The following TP53BP1 variants were observed in gnomAD, a reference collection of about 807,000 sequenced individuals.
The protein encoded by TP53BP1 is TP53-binding protein 1.
TP53BP1 carries 61 observed loss-of-function variants against 200.8 expected under a neutral mutation model. The ratio of observed to expected loss-of-function variants is 0.30; its 90% confidence interval spans 0.25 to 0.38. The LOEUF (loss-of-function observed/expected upper bound fraction) is 0.38, where lower values mean the gene tolerates loss of function less well. Among genes scored for constraint, TP53BP1 ranks in the 10% least tolerant of loss-of-function variants. The pLI, the probability that TP53BP1 is intolerant of heterozygous loss-of-function variation, is 1.00. For missense variants in TP53BP1, 2,144 were observed against 2,371.9 expected (o/e 0.90, Z 2.00); for synonymous variants, 822 against 844.3 (o/e 0.97, Z 0.46).
At position 43,446,591 on chromosome 15, in the gene TP53BP1, C is replaced by A; in HGVS notation, c.2837-1G>T. ...GTGCTTTCTGGATAGTTGCTAATACCTGAAAGAAGTGAGGCAGGGAGGAAG... is the reference window on the plus strand; with the variant it reads ...GTGCTTTCTGGATAGTTGCTAATACATGAAAGAAGTGAGGCAGGGAGGAAG... On this transcript the variant is annotated splice_acceptor_variant, in intron 13 of 27. Coordinates refer to ENST00000382044, the MANE Select transcript of TP53BP1 (RefSeq NM_001141980.3). LOFTEE classifies it high-confidence loss of function. The A allele has an allele frequency of 6.2e-7, 1 of 1,611,118 alleles. No homozygotes were observed. The highest frequency in any genetic ancestry group is 1.1e-5 in the South Asian group (1 of 90,666).
intron 11 of TP53BP1, 39 bp from the exon 12 acceptor site, chr15:43,457,257 A>G (rs1461759022): frequency 6.7e-7 from 1 of 1,488,974 alleles, no homozygotes; most frequent in Non-Finnish European, 9.0e-7. Context: ...TAATTTGTAC[A>G]TGATCATATA....
chr15:43,417,235 T>TGAAAAAA (rs2045287193), intron 21 of TP53BP1: 1 of 151,678 alleles, frequency 6.6e-6, no homozygotes, highest in Admixed American at 6.6e-5. Context: ...AAGGCATTAC[T>TGAAAAAA]ATGAATATTT....
intron 12 of TP53BP1, among the ~76,000 whole-genome samples, chr15:43,448,542 ATT>A (rs971504418): frequency 2.8e-5 from 4 of 144,776 alleles, no homozygotes; most frequent in African/African-American, 5.0e-5. Flanking sequence ...AAACAAAAAA[ATT>A]TTTTTTTTTT....
At chr15:43,479,584 C>G (rs577303283) in intron 6 of TP53BP1, 58 bp from the exon 7 acceptor site, 3 of 1,543,252 alleles carry the variant, frequency 1.9e-6, no homozygotes, top group African/African-American at 2.8e-5. Context: ...ATACTAGATA[C>G]AGTCCCAGAT....
At position 43,421,349 on chromosome 15, in the gene TP53BP1, G is replaced by C. The variant is rs1377577443; in HGVS notation, c.4101-175C>G. Among the ~76,000 whole-genome samples, 4 of 152,152 alleles carry C rather than the reference G, an allele frequency of 2.6e-5. No homozygotes were observed. The East Asian group carries it at 7.7e-4, about 29-fold the overall frequency. ...ATCTCATGCAGGGAGTGGGGAGCGT[G>C]GGATAACAAGTAAAGGACATTCTCC... On this transcript the variant is annotated intron_variant, in intron 19 of 27. Coordinates refer to ENST00000382044, the MANE Select transcript of TP53BP1 (RefSeq NM_001141980.3).
intron 11 of TP53BP1, among the ~76,000 whole-genome samples, chr15:43,461,224 TTTTA>T (rs1292591465): frequency 7.7e-6 from 1 of 129,456 alleles, no homozygotes; most frequent in African/African-American, 4.4e-5. Context: ...AGGAATTTTA[TTTTA>T]TTTTTTTTTT....
chr15:43,486,773 G>A (rs1389941462), intron 4 of TP53BP1, among the ~76,000 whole-genome samples: 1 of 152,054 alleles, frequency 6.6e-6, no homozygotes, highest in East Asian at 1.9e-4. Context: ...ACAGATGTGT[G>A]CCACCATGCC....
At chr15:43,448,371 A>G (rs1401961835) in intron 12 of TP53BP1, among the ~76,000 whole-genome samples, 1 of 152,146 alleles carries the variant, frequency 6.6e-6, no homozygotes, top group African/African-American at 2.4e-5. Context: ...TAAAACTAAT[A>G]TATGAAAATT....
chr15:43,466,082 A>G (rs1259343782), intron 11 of TP53BP1, among the ~76,000 whole-genome samples: 3 of 152,236 alleles, frequency 2.0e-5, no homozygotes, highest in African/African-American at 7.2e-5. Flanking sequence ...CAAGTGTGAT[A>G]GCAGAATAAA....
chr15:43,407,926 C>A lies in TP53BP1; in HGVS notation c.5746+17G>T. 1 of 1,606,792 alleles carries A rather than the reference C, an allele frequency of 6.2e-7. No homozygotes were observed. The highest frequency in any genetic ancestry group is 8.5e-7 in the Non-Finnish European group (1 of 1,178,662). On this transcript the variant is annotated intron_variant, in intron 27 of 27. Transcript: ENST00000382044. Reference sequence around the variant, plus strand: ...AGATCCCTGGAACAAAGACACTACACACACTCTTTCAGGTACCTTTGTTAT... The same window carrying A: ...AGATCCCTGGAACAAAGACACTACAAACACTCTTTCAGGTACCTTTGTTAT...
intron 11 of TP53BP1, among the ~76,000 whole-genome samples, chr15:43,469,505 CA>C (rs917313370): frequency 5.3e-5 from 8 of 151,430 alleles, no homozygotes; most frequent in Non-Finnish European, 1.0e-4. Flanking sequence ...GTGTCATAGG[CA>C]AAAAAATTTA....
At chr15:43,430,836 T>G (rs1188797607) in intron 17 of TP53BP1, among the ~76,000 whole-genome samples, 1 of 152,340 alleles carries the variant, frequency 6.6e-6, no homozygotes, top group South Asian at 2.1e-4. Context: ...ATGGATAGAT[T>G]TGTTCTTACC....
chr15:43,474,363 C>T (rs1204957067), intron 10 of TP53BP1, among the ~76,000 whole-genome samples: 1 of 151,504 alleles, frequency 6.6e-6, no homozygotes, highest in Non-Finnish European at 1.5e-5. Context: ...CCTCAAGTGC[C>T]GCCAAAGTGG....
intron 19 of TP53BP1, 130 bp downstream of exon 19, chr15:43,421,724 GA>G (rs2045403821): frequency 1.6e-6 from 2 of 1,283,232 alleles, no homozygotes; most frequent in South Asian, 2.9e-5. Flanking sequence ...AGCAAATAGT[GA>G]AGAGGGGTAG....
At chr15:43,455,317 A>C (rs2046266865) in intron 12 of TP53BP1, among the ~76,000 whole-genome samples, 1 of 152,216 alleles carries the variant, frequency 6.6e-6, no homozygotes, top group Non-Finnish European at 1.5e-5. Flanking sequence ...CTAAGTAAAA[A>C]AAAAACAGAT....
intron 14 of TP53BP1, among the ~76,000 whole-genome samples, chr15:43,442,159 C>T (rs1247650899): frequency 1.4e-5 from 2 of 147,414 alleles, no homozygotes; most frequent in East Asian, 4.1e-4. Flanking sequence ...AATCTCGGCT[C>T]ACTGCAAGCT....
intron 23 of TP53BP1, among the ~76,000 whole-genome samples, 173 bp from the exon 24 acceptor site, chr15:43,413,507 C>T (rs1304355651): frequency 6.6e-6 from 1 of 152,144 alleles, no homozygotes; most frequent in Non-Finnish European, 1.5e-5. Flanking sequence ...TTCTAAATGG[C>T]CGACAGCCTA....
chr15:43,409,821 C>T (rs760185596), intron 24 of TP53BP1, 80 bp from the exon 25 acceptor site: 551 of 622,888 alleles, frequency 8.8e-4, no homozygotes, highest in Non-Finnish European at 1.3e-3. Context: ...TCTTACTGCC[C>T]CCTTTTCCAC....
intron 11 of TP53BP1, among the ~76,000 whole-genome samples, chr15:43,461,407 G>A (rs890304699): frequency 2.6e-5 from 4 of 151,638 alleles, no homozygotes; most frequent in East Asian, 3.9e-4. Context: ...TTGTAGAGAC[G>A]AGATTTTGCC....
Sources: allele counts gnomAD v4.1 joint callset (sites outside exome capture counted in the v4.1 genomes callset), GRCh38; gene constraint gnomAD v4.1.1; transcripts MANE v1.5; gene names NCBI Gene and HGNC (gene_info 2026-07-23, HGNC 2026-07-21).